PALS2: variants seen among roughly 807,000 people sequenced by gnomAD.
PALS2 encodes protein associated with LIN7 2, MAGUK p55 family member, also known as protein PALS2.
A neutral mutation model predicts 61.6 loss-of-function variants in PALS2; 27 were observed. The ratio of observed to expected loss-of-function variants is 0.44; its 90% CI spans 0.32 to 0.60. The LOEUF (loss-of-function observed/expected upper bound fraction) is 0.60. Ranked by LOEUF, PALS2 falls within the 20% of genes least tolerant of loss-of-function variation. The pLI is 0.05. For missense variants in PALS2, 554 were observed against 639.4 expected (o/e 0.87, Z 1.44); for synonymous variants, 236 against 218.6 (o/e 1.08, Z -0.70).
intron 1 of PALS2, among the ~76,000 whole-genome samples, chr7:24,597,702 C>T (rs1392565184): frequency 6.6e-6 from 1 of 152,102 alleles, no homozygotes; most frequent in African/African-American, 2.4e-5. Context: ...GGAGGAAGGG[C>T]ATACTTTCTC....
intron 5 of PALS2, among the ~76,000 whole-genome samples, chr7:24,652,747 G>T (rs2529084): frequency 1.4e-4 from 22 of 152,162 alleles, no homozygotes; most frequent in African/African-American, 5.3e-4. Flanking sequence ...CCACCATGTA[G>T]TGCTGTGGAG....
chr7:24,638,475 C>T (rs1389211397), intron 2 of PALS2, among the ~76,000 whole-genome samples: 3 of 75,702 alleles, frequency 4.0e-5, no homozygotes, highest in Admixed American at 2.4e-4. Context: ...GGACCACAGG[C>T]GCCCGCCACT....
rs1562631729 is a variant in PALS2, at chr7:24,638,317, A to ATTTT, written c.118-3398_118-3395dup. Among the ~76,000 whole-genome samples, 8 of 14,244 alleles carry ATTTT rather than the reference A, an allele frequency of 5.6e-4. 1 individual carries two copies. The highest frequency in any genetic ancestry group is 8.7e-4 in the Non-Finnish European group (8 of 9,226). The allele number at this position is 14,244 out of a possible 152,430, so 9.3% of individuals were successfully genotyped here. On this transcript the variant is annotated intron_variant, in intron 2 of 11. Coordinates refer to ENST00000222644, the MANE Select transcript of PALS2 (RefSeq NM_001303037.2). ...CTTTTTTTCTCCCTTCAATTTCTGT[A>ATTTT]TTTTCTTTTTTTTTTTTTTTTTTTT...
At chr7:24,589,378 G>T (rs1483861254) in intron 1 of PALS2, 2 of 152,108 alleles carry the variant, frequency 1.3e-5, no homozygotes, top group African/African-American at 2.4e-5. Context: ...TTTGGGTCTT[G>T]ACTCCTTTCT....
chr7:24,623,949 C>T, intron 2 of PALS2, 165 bp downstream of exon 2: 1 of 997,446 alleles, frequency 1.0e-6, no homozygotes. Flanking sequence ...AAAAATTAGA[C>T]CATTTTTCTC....
Position 24,577,286 on chromosome 7 carries a change from T to A in PALS2, c.-3+3693T>A, listed in dbSNP as rs998766300. Among the ~76,000 whole-genome samples the A allele has an allele frequency of 5.6e-4, 83 of 149,156 alleles. 1 individual carries two copies. The highest frequency in any genetic ancestry group is 5.9e-4 in the Non-Finnish European group (40 of 67,614). Reference sequence around the variant, plus strand: ...TCCTTTTTTCCTTTTTTTTTTTTTTTAATATAGTGTACTAGAAGAGATACT... The same window carrying A: ...TCCTTTTTTCCTTTTTTTTTTTTTTAAATATAGTGTACTAGAAGAGATACT... On this transcript the variant is annotated intron_variant, in intron 1 of 11. Coordinates refer to ENST00000222644, the MANE Select transcript of PALS2 (RefSeq NM_001303037.2).
chr7:24,612,906 T>C (rs1475657307), intron 1 of PALS2, among the ~76,000 whole-genome samples: 1 of 151,860 alleles, frequency 6.6e-6, no homozygotes, highest in Non-Finnish European at 1.5e-5. Context: ...GTAAAGCTTC[T>C]GACATTTCTC....
chr7:24,672,131 A>G (rs1408701972), intron 9 of PALS2, among the ~76,000 whole-genome samples: 4 of 150,516 alleles, frequency 2.7e-5, no homozygotes, highest in African/African-American at 7.3e-5. Context: ...TTCTGCAGCA[A>G]TTGGAAGCTT....
At chr7:24,614,131 G>GTAGTTCTAT (rs1359128323) in intron 1 of PALS2, among the ~76,000 whole-genome samples, 2 of 151,754 alleles carry the variant, frequency 1.3e-5, no homozygotes, top group Non-Finnish European at 3.0e-5. Flanking sequence ...GGATGATGTG[G>GTAGTTCTAT]TAGTTCTATT....
intron 2 of PALS2, among the ~76,000 whole-genome samples, chr7:24,634,746 A>G (rs1785160568): frequency 6.6e-6 from 1 of 152,158 alleles, no homozygotes; most frequent in African/African-American, 2.4e-5. Context: ...GTTAGGCACC[A>G]ACTTCTGTCT....
At chr7:24,682,604 C>T (rs1280100409) in intron 11 of PALS2, among the ~76,000 whole-genome samples, 1 of 152,088 alleles carries the variant, frequency 6.6e-6, no homozygotes, top group Non-Finnish European at 1.5e-5. Flanking sequence ...TTTTTAATAC[C>T]TTGATGTATA....
At chr7:24,593,292 A>G (rs1042047379) in intron 1 of PALS2, among the ~76,000 whole-genome samples, 2 of 152,064 alleles carry the variant, frequency 1.3e-5, no homozygotes, top group African/African-American at 2.4e-5. Context: ...TTTTTCCACC[A>G]CATCTGCAGT....
intron 11 of PALS2, among the ~76,000 whole-genome samples, chr7:24,682,440 G>A (rs531235822): frequency 1.3e-5 from 2 of 152,160 alleles, no homozygotes; most frequent in South Asian, 2.1e-4. Context: ...TGCCACCTGG[G>A]TCTCCCTGGA....
intron 9 of PALS2, 53 bp downstream of exon 9, chr7:24,668,713 A>G: frequency 6.3e-7 from 1 of 1,576,694 alleles, no homozygotes; most frequent in South Asian, 1.1e-5. Context: ...GAGTATGGGC[A>G]TATGGAGGAA....
chr7:24,670,162 G>A (rs1787225018), intron 9 of PALS2, among the ~76,000 whole-genome samples: 1 of 152,102 alleles, frequency 6.6e-6, no homozygotes, highest in South Asian at 2.1e-4. Context: ...TATAAAGATA[G>A]CTGTATTTTC....
chr7:24,587,092 A>G (rs1783095858), intron 1 of PALS2, among the ~76,000 whole-genome samples: 1 of 151,316 alleles, frequency 6.6e-6, no homozygotes, highest in African/African-American at 2.4e-5. Flanking sequence ...TATGGCCCCT[A>G]GATTTGAGCA....
intron 9 of PALS2, among the ~76,000 whole-genome samples, chr7:24,670,150 A>G (rs975374915): frequency 2.0e-5 from 3 of 152,282 alleles, no homozygotes; most frequent in African/African-American, 7.2e-5. Context: ...CTGTCCTTCC[A>G]ATATAAAGAT....
At chr7:24,577,809 A>G (rs1271261179) in intron 1 of PALS2, among the ~76,000 whole-genome samples, 2 of 152,070 alleles carry the variant, frequency 1.3e-5, no homozygotes, top group Admixed American at 1.3e-4. Flanking sequence ...CATCCCCCTC[A>G]ATCCCATTAC....
At chr7:24,619,774 A>C (rs1190564164) in intron 1 of PALS2, among the ~76,000 whole-genome samples, 4 of 151,432 alleles carry the variant, frequency 2.6e-5, no homozygotes, top group Non-Finnish European at 4.4e-5. Flanking sequence ...TATTGAATCT[A>C]GGGTCTGATT....
Sources: gnomAD v4.1 joint callset for allele counts (sites outside exome capture counted in the v4.1 genomes callset) on GRCh38, gnomAD v4.1.1 for gene constraint, MANE v1.5 for transcripts, NCBI Gene and HGNC (gene_info 2026-07-23, HGNC 2026-07-21) for gene names.